OR6K3: variants seen among roughly 807,000 people sequenced by gnomAD.
OR6K3 encodes the protein olfactory receptor 6K3.
For missense variants in OR6K3, 396 were observed against 382.5 expected (o/e 1.04, Z -0.29); for synonymous variants, 169 against 137.7 (o/e 1.23, Z -1.59).
chr1:158,720,852 A>T (rs1372741145), upstream of OR6K3: 3 of 152,018 alleles, frequency 2.0e-5, no homozygotes, highest in African/African-American at 7.2e-5. Context: ...CACTGAAGTG[A>T]ATCACCTTCT....
At chr1:158,718,674 G>C (rs908752443) in intron 1 of OR6K3, among the ~76,000 whole-genome samples, 4 of 151,878 alleles carry the variant, frequency 2.6e-5, no homozygotes, top group Non-Finnish European at 5.9e-5. Context: ...CTACCCGACT[G>C]GGCCATTGTG....
chr1:158,722,533 C>T (rs1226442599), upstream of OR6K3, among the ~76,000 whole-genome samples: 2 of 151,948 alleles, frequency 1.3e-5, no homozygotes, highest in African/African-American at 4.8e-5. Flanking sequence ...AGTAGAGCAT[C>T]GTTCTCAATT....
At position 158,717,680 on chromosome 1, in the gene OR6K3, CAG is replaced by C; in HGVS notation, c.434_435del (p.Ser145CysfsTer35). On this transcript the variant is annotated frameshift_variant, in exon 2 of 2. Transcript: ENST00000368145. LOFTEE classifies it low-confidence loss of function (END_TRUNC). Reference sequence around the variant, plus strand: ...AGGAAACCGAAGAGGCAGGAACCTGCAGAGAGTTGAGCACAGAGCCGGGGGGT... The same window carrying C: ...AGGAAACCGAAGAGGCAGGAACCTGCAGAGTTGAGCACAGAGCCGGGGGGT... ...IMTPRLCAQLSAGSCLFGFLI... is the reference protein window; with the variant it reads ...IMTPRLCAQLXAGSCLFGFLI... The C allele has an allele frequency of 1.2e-6, 2 of 1,613,770 alleles. No homozygotes were observed. Among genetic ancestry groups the C allele is most frequent in the African/African-American group, 1.3e-5 (1 of 74,986 alleles).
At chr1:158,718,841 C>T (rs1656230335) in intron 1 of OR6K3, among the ~76,000 whole-genome samples, 1 of 151,952 alleles carries the variant, frequency 6.6e-6, no homozygotes, top group Non-Finnish European at 1.5e-5. Flanking sequence ...AAAAATAGTA[C>T]CTATCTAACA....
rs759392291 is a variant in OR6K3 at position 158,717,274 on chromosome 1, G to A, written c.842C>T (p.Ala281Val). ...ATAAATGATGGGATTGAAGAATGGAGCAAGTACAGTAAACATCAGTGCAAT... is the reference window on the plus strand; with the variant it reads ...ATAAATGATGGGATTGAAGAATGGAACAAGTACAGTAAACATCAGTGCAAT... ...TAIALMFTVLAPFFNPIIYSL... is the reference protein window; with the variant it reads ...TAIALMFTVLVPFFNPIIYSL... Residue 281 changes from alanine (A) to valine (V), a missense_variant, in exon 2 of 2, where the codon GCT (alanine) becomes GTT (valine). Transcript: ENST00000368145. 3 of 1,613,516 alleles carry A rather than the reference G, an allele frequency of 1.9e-6. No homozygotes were observed. The highest frequency in any genetic ancestry group is 1.1e-5 in the South Asian group (1 of 91,082).
In OR6K3 at chr1:158,716,838, C is replaced by T. The variant is rs1033371136; in HGVS notation, c.*330G>A. 2.2e-5 allele frequency: 5 copies of T among 232,448 alleles called. No homozygotes were observed. Among genetic ancestry groups the T allele is most frequent in the South Asian group, 7.2e-5 (1 of 13,848 alleles). 14.4% of individuals were successfully genotyped at this position (232,448 alleles called of 1,614,324 possible). A position where few individuals can be genotyped will look rare whatever the true frequency, so the allele number is the denominator to read the frequency against. On this transcript the variant is annotated 3_prime_UTR_variant, in exon 2 of 2. Coordinates refer to ENST00000368145, the MANE Select transcript of OR6K3 (RefSeq NM_001005327.3). ...ACAAACATTAAAGCAATGGAAAGGGCCAGATGCGGTGGCTCACAGCTGTAA... is the reference window on the plus strand; with the variant it reads ...ACAAACATTAAAGCAATGGAAAGGGTCAGATGCGGTGGCTCACAGCTGTAA...
chr1:158,721,576 C>A (rs149123884), upstream of OR6K3, among the ~76,000 whole-genome samples: 6 of 151,828 alleles, frequency 4.0e-5, no homozygotes, highest in African/African-American at 1.4e-4. Flanking sequence ...TGTCAACAGG[C>A]CACATTGTAT....
At position 158,717,154 on chromosome 1, in the gene OR6K3, C is replaced by A. The variant is rs879890926; in HGVS notation, c.*14G>T. 20 of 1,546,258 alleles carry A rather than the reference C, an allele frequency of 1.3e-5. No homozygotes were observed. Among genetic ancestry groups the A allele is most frequent in the Non-Finnish European group, 1.6e-5 (18 of 1,131,650 alleles). Reference sequence around the variant, plus strand: ...ACAAAACAAAAGCAACGGAAGGGAACCTGTGGCTCTGTATTAACCTCCAGG... The same window carrying A: ...ACAAAACAAAAGCAACGGAAGGGAAACTGTGGCTCTGTATTAACCTCCAGG... On this transcript the variant is annotated 3_prime_UTR_variant, in exon 2 of 2. Coordinates refer to ENST00000368145, the MANE Select transcript of OR6K3 (RefSeq NM_001005327.3).
Position 158,716,826 on chromosome 1 carries a change from C to T in OR6K3, c.*342G>A, listed in dbSNP as rs1043157172. 1 of 210,860 alleles carries T rather than the reference C, an allele frequency of 4.7e-6. No homozygotes were observed. Among genetic ancestry groups the T allele is most frequent in the Non-Finnish European group, 9.6e-6 (1 of 104,160 alleles). 13.1% of individuals were successfully genotyped at this position (210,860 alleles called of 1,614,324 possible). On this transcript the variant is annotated 3_prime_UTR_variant, in exon 2 of 2. Coordinates refer to ENST00000368145, the MANE Select transcript of OR6K3 (RefSeq NM_001005327.3). Reference sequence around the variant, plus strand: ...CTAATATGTTAGACAAACATTAAAGCAATGGAAAGGGCCAGATGCGGTGGC... The same window carrying T: ...CTAATATGTTAGACAAACATTAAAGTAATGGAAAGGGCCAGATGCGGTGGC...
At chr1:158,721,303 C>A (rs887876561), upstream of OR6K3, among the ~76,000 whole-genome samples, 1 of 152,104 alleles carries the variant, frequency 6.6e-6, no homozygotes, top group South Asian at 2.1e-4. Flanking sequence ...ACTGGTTCTG[C>A]TGACTTCTTT....
rs894613149 is a variant in OR6K3 at position 158,717,861 on chromosome 1, G to A, written c.255C>T (p.Leu85=). The A allele has an allele frequency of 1.6e-5, 26 of 1,613,648 alleles. No homozygotes were observed. The highest frequency in any genetic ancestry group is 2.2e-5 in the Non-Finnish European group (26 of 1,179,788). The part of the protein sequence containing the change: ...TATIPKMLSN[L]ISEKKAISMT... ...TTGAGATGGCCTTCTTTTCACTGATGAGGTTGGAGAGCATCTTGGGAATGG... is the reference window on the plus strand; with the variant it reads ...TTGAGATGGCCTTCTTTTCACTGATAAGGTTGGAGAGCATCTTGGGAATGG... The change falls in exon 2 of 2, where the codon CTC becomes CTT. Residue 85 remains leucine, a synonymous_variant. Transcript: ENST00000368145.
At chr1:158,723,757 C>A (rs1457871361), upstream of OR6K3, among the ~76,000 whole-genome samples, 2 of 152,022 alleles carry the variant, frequency 1.3e-5, no homozygotes, top group Non-Finnish European at 2.9e-5. Flanking sequence ...AGATCTGATT[C>A]TTTTAACTAC....
At chr1:158,724,888 G>C (rs187267455), upstream of OR6K3, 49 of 215,728 alleles carry the variant, frequency 2.3e-4, no homozygotes, top group African/African-American at 1.1e-3. Context: ...ATTATACATG[G>C]GGTTGTGGAG....
upstream of OR6K3, among the ~76,000 whole-genome samples, chr1:158,722,783 T>C (rs1656311098): frequency 6.6e-6 from 1 of 152,048 alleles, no homozygotes; most frequent in Non-Finnish European, 1.5e-5. Flanking sequence ...TTTTTGTTTT[T>C]TGCTGTTAAA....
upstream of OR6K3, among the ~76,000 whole-genome samples, chr1:158,721,131 G>C (rs431402): frequency 0.041 from 6,197 of 151,968 alleles, 401 homozygotes; most frequent in African/African-American, 0.14. Flanking sequence ...GACACCAGAA[G>C]ATCATCTTGA....
At chr1:158,724,808 G>A (rs1305024409), upstream of OR6K3, 1 of 219,424 alleles carries the variant, frequency 4.6e-6, no homozygotes, top group Non-Finnish European at 9.8e-6. Flanking sequence ...CTGCTGATGA[G>A]GATGGAGAGC....
upstream of OR6K3, among the ~76,000 whole-genome samples, chr1:158,723,201 A>G (rs1656317678): frequency 6.7e-6 from 1 of 150,090 alleles, no homozygotes; most frequent in South Asian, 2.1e-4. Flanking sequence ...TGTAGTTCAA[A>G]TGATATATAT....
upstream of OR6K3, chr1:158,724,777 A>G (rs559185087): frequency 4.1e-5 from 9 of 221,450 alleles, no homozygotes; most frequent in East Asian, 3.3e-4. Flanking sequence ...GAGGCAGCCA[A>G]CCATGGAGAT....
chr1:158,720,630 T>C (rs1309087101), intron 1 of OR6K3, 53 bp downstream of exon 1: 2 of 151,936 alleles, frequency 1.3e-5, no homozygotes, highest in African/African-American at 4.8e-5. Context: ...ATGATGATGA[T>C]TATGCATGGT....
Sources: gnomAD v4.1 joint callset for allele counts (sites outside exome capture counted in the v4.1 genomes callset) on GRCh38, gnomAD v4.1.1 for gene constraint, MANE v1.5 for transcripts, NCBI Gene and HGNC (gene_info 2026-07-23, HGNC 2026-07-21) for gene names.